Variants in SH2D7 observed in about 807,000 individuals in gnomAD.
SH2D7 encodes SH2 domain-containing protein 7.
In SH2D7, 32 loss-of-function variants were observed where a neutral mutation model predicts 40.8. The observed-to-expected ratio is 0.78, with a 90% CI of 0.59 to 1.05. The LOEUF is 1.05. SH2D7 is among the 50% of genes least tolerant of loss of function. The pLI is 0.00. For missense variants in SH2D7, 559 were observed against 566.6 expected, an observed-to-expected ratio of 0.99 and a Z score of 0.14; for synonymous variants, 195 against 221.5, an observed-to-expected ratio of 0.88 and a Z score of 1.06.
At chr15:78,103,131 C>T (rs1211894557) in intron 5 of SH2D7, among the ~76,000 whole-genome samples, 1 of 152,160 alleles carries the variant, frequency 6.6e-6, no homozygotes, top group Non-Finnish European at 1.5e-5. Flanking sequence ...CACCCTACCT[C>T]GGACACCAGT....
chr15:78,092,513 G>A, upstream of SH2D7: 1 of 1,459,702 alleles, frequency 6.9e-7, no homozygotes, highest in Non-Finnish European at 9.1e-7. Context: ...TCAGGCAAAT[G>A]AGCCAGAGCA....
At chr15:78,103,421 C>G in intron 5 of SH2D7, 44 bp from the exon 6 acceptor site, 1 of 1,550,190 alleles carries the variant, frequency 6.5e-7, no homozygotes, top group Non-Finnish European at 8.7e-7. Context: ...CTTTCCCTCC[C>G]TGTCCAGCGA....
At chr15:78,090,135 G>A (rs775913704), upstream of SH2D7, among the ~76,000 whole-genome samples, 1 of 152,174 alleles carries the variant, frequency 6.6e-6, no homozygotes, top group Non-Finnish European at 1.5e-5. Context: ...CCCCAGGTGA[G>A]CTAAGTATGG....
At chr15:78,092,521 GCA>G, upstream of SH2D7, 1 of 1,485,480 alleles carries the variant, frequency 6.7e-7, no homozygotes, top group East Asian at 2.5e-5. Context: ...ATGAGCCAGA[GCA>G]CACGCAGATA....
chr15:78,099,739 A>AC lies in SH2D7; in HGVS notation c.645+1146dup, dbSNP rs371335462. ...CAAGAGCCTCACCAGATGCCCTGCT[A>AC]CCCTCTGCTTCTTCACTGGAGGCTT... is the stretch of plus-strand genomic sequence containing the variant. On this transcript the variant is annotated intron_variant, in intron 4 of 5. Coordinates refer to ENST00000328828, the MANE Select transcript of SH2D7 (RefSeq NM_001101404.2). Among the ~76,000 whole-genome samples the AC allele has an allele frequency of 4.4e-3, 666 of 152,048 alleles. 3 individuals are homozygous for AC. The highest frequency in any genetic ancestry group is 0.015 in the African/African-American group (620 of 41,448).
chr15:78,094,143 C>G lies in SH2D7; in HGVS notation c.208C>G (p.Leu70Val), dbSNP rs926821926. 30 of 1,609,368 alleles carry G rather than the reference C, an allele frequency of 1.9e-5. No individual in the cohort carries two copies. The highest frequency in any genetic ancestry group is 2.5e-5 in the Non-Finnish European group (30 of 1,178,104). Residue 70 changes from leucine (L) to valine (V), a missense_variant, in exon 2 of 6, where the codon CTT becomes GTT. Leu to Val is a conservative substitution (Grantham distance 32). Transcript: ENST00000328828. The stretch of plus-strand genomic sequence containing the variant: ...GGAGCAGCTACTCAGGGACAAAGCT[C>G]TTGGTTCCTTCCTTATCCGCCTCAG... Reference protein sequence around the residue: ...QTEQLLRDKALGSFLIRLSDR... With the variant: ...QTEQLLRDKAVGSFLIRLSDR...
Position 78,101,677 on chromosome 15 carries a change from C to T in SH2D7, c.1305+119C>T, listed in dbSNP as rs895334844. On this transcript the variant is annotated intron_variant, in intron 5 of 5. Coordinates refer to ENST00000328828, the MANE Select transcript of SH2D7 (RefSeq NM_001101404.2). ...GTCACCGCCACTGCCTGGAAGTACA[C>T]AGAATTTTCCAGCCCTAATATCTGC... The T allele has an allele frequency of 2.1e-5, 25 of 1,182,016 alleles. No individual in the cohort carries two copies. The African/African-American group carries it at 3.4e-4, about 16-fold the overall frequency. 73.2% of individuals were successfully genotyped at this position (1,182,016 alleles called of 1,614,324 possible).
chr15:78,094,441 G>C (rs1200890820), intron 2 of SH2D7, among the ~76,000 whole-genome samples: 1 of 152,232 alleles, frequency 6.6e-6, no homozygotes, highest in Non-Finnish European at 1.5e-5. Flanking sequence ...TCACAGAGGT[G>C]AACTTTGAGC....
rs1018411286 is a variant in SH2D7 at position 78,103,578 on chromosome 15, C to T, written c.*63C>T. The T allele has an allele frequency of 2.4e-5, 37 of 1,534,352 alleles. No individual in the cohort carries two copies. Among genetic ancestry groups the T allele is most frequent in the Non-Finnish European group, 2.9e-5 (33 of 1,132,608 alleles). On this transcript the variant is annotated 3_prime_UTR_variant, in exon 6 of 6. Coordinates refer to ENST00000328828, the MANE Select transcript of SH2D7 (RefSeq NM_001101404.2). ...GTACCCAGGCCATGCCAGGGGTTAT[C>T]GCAAAGGCCTCAGCTCACTTGAAGG...
rs778733792 is a variant in SH2D7 at position 78,098,538 on chromosome 15, A to G, written c.587A>G (p.His196Arg). The part of the protein sequence containing the change: ...SSPKPQVSFL[H>R]AQKSLDVSPR... ...CCAAAGCCCCAGGTCTCCTTCCTCC[A>G]TGCACAGAAAAGCCTGGATGTGAGT... Residue 196 changes from histidine (H) to arginine (R), a missense_variant, in exon 4 of 6, where the codon CAT (histidine) becomes CGT (arginine). By Grantham distance (29) the His-to-Arg change is conservative. Transcript: ENST00000328828. The G allele has an allele frequency of 1.1e-5, 18 of 1,613,842 alleles. No individual in the cohort carries two copies. The highest frequency in any genetic ancestry group is 1.4e-5 in the Non-Finnish European group (17 of 1,179,880).
chr15:78,097,855 C>G lies in SH2D7; in HGVS notation c.267-74C>G. On this transcript the variant is annotated intron_variant, in intron 2 of 5. Transcript: ENST00000328828. ...GGGACCCCTCACCTGCACCCAGGCA[C>G]AGAGCTCAGACCCTGGGCCAAGGCT... 3.9e-6 allele frequency: 6 copies of G among 1,557,662 alleles called. No individual in the cohort carries two copies. The South Asian group carries it at 7.3e-5, about 19-fold the overall frequency.
intron 4 of SH2D7, among the ~76,000 whole-genome samples, chr15:78,099,065 G>C (rs902259446): frequency 1.3e-5 from 2 of 151,614 alleles, no homozygotes; most frequent in Non-Finnish European, 2.9e-5. Flanking sequence ...CCAGGCTGGA[G>C]TGCAATGGTG....
upstream of SH2D7, among the ~76,000 whole-genome samples, chr15:78,091,489 G>T (rs1470560094): frequency 6.6e-6 from 1 of 152,112 alleles, no homozygotes; most frequent in Non-Finnish European, 1.5e-5. Context: ...ACTTGCCCAG[G>T]GTGGTCTCAC....
At chr15:78,098,678 C>A (rs2073992147) in intron 4 of SH2D7, 82 bp downstream of exon 4, 4 of 1,452,326 alleles carry the variant, frequency 2.8e-6, no homozygotes, top group African/African-American at 2.8e-5. Context: ...GACCCTGAGG[C>A]CAGGCCAGCC....
chr15:78,097,797 C>T, intron 2 of SH2D7, 132 bp from the exon 3 acceptor site: 2 of 1,152,048 alleles, frequency 1.7e-6, no homozygotes, highest in Non-Finnish European at 2.4e-6. Context: ...ACAGTGGCCC[C>T]AGGTCAGGCA....
intron 1 of SH2D7, 110 bp from the exon 2 acceptor site, chr15:78,094,002 G>T: frequency 9.5e-7 from 1 of 1,049,348 alleles, no homozygotes; most frequent in East Asian, 2.6e-5. Flanking sequence ...AGGGTTGGAG[G>T]TCTGGAACCC....
rs1191901432 is a variant in SH2D7 at position 78,103,473 on chromosome 15, G to A, written c.1314G>A (p.Lys438=). ...KETGRTHKPD[K]LRRLFFTYRK... ...CTCCTCCTTCCTTGCAGCCTGACAAGCTTCGGAGGCTCTTCTTCACGTACA... is the reference window on the plus strand; with the variant it reads ...CTCCTCCTTCCTTGCAGCCTGACAAACTTCGGAGGCTCTTCTTCACGTACA... The change falls in exon 6 of 6, where the codon AAG becomes AAA. Residue 438 remains lysine (K), a synonymous_variant. Coordinates refer to ENST00000328828, the MANE Select transcript of SH2D7 (RefSeq NM_001101404.2). 1.3e-6 allele frequency: 2 copies of A among 1,560,644 alleles called. No homozygotes were observed. The highest frequency in any genetic ancestry group is 1.7e-6 in the Non-Finnish European group (2 of 1,151,658).
intron 1 of SH2D7, among the ~76,000 whole-genome samples, chr15:78,093,150 G>T (rs1252249893): frequency 6.6e-6 from 1 of 152,220 alleles, no homozygotes; most frequent in Non-Finnish European, 1.5e-5. Context: ...AAACCTGGAT[G>T]CATGGTTATC....
intron 1 of SH2D7, among the ~76,000 whole-genome samples, chr15:78,093,584 C>T (rs1448255812): frequency 2.6e-5 from 4 of 152,218 alleles, no homozygotes; most frequent in Admixed American, 2.0e-4. Flanking sequence ...TGTGGAAAAT[C>T]TCTGTAACTG....
Sources: allele counts gnomAD v4.1 joint callset (sites outside exome capture counted in the v4.1 genomes callset), GRCh38; gene constraint gnomAD v4.1.1; transcripts MANE v1.5; gene names NCBI Gene and HGNC (gene_info 2026-07-23, HGNC 2026-07-21).